MBOAT7: variants seen among roughly 807,000 people sequenced by gnomAD.
The protein encoded by MBOAT7 is membrane bound acylglycerophosphatidylinositol O-acyltransferase MBOAT7.
In MBOAT7, 40 loss-of-function variants were observed where a neutral mutation model predicts 47.4. That is an observed-to-expected ratio of 0.84 (90% CI 0.66 to 1.10). The LOEUF is 1.10. MBOAT7 is among the 50% of genes least tolerant of loss of function. The pLI, the probability that MBOAT7 is intolerant of heterozygous loss-of-function variation, is 0.00. For synonymous variants in MBOAT7, 361 were observed against 292.0 expected, an observed-to-expected ratio of 1.24 and a Z score of -2.41; for missense variants, 680 against 655.6, an observed-to-expected ratio of 1.04 and a Z score of -0.41.
At chr19:54,184,458 G>A (rs953581897) in intron 4 of MBOAT7, among the ~76,000 whole-genome samples, 4 of 152,026 alleles carry the variant, frequency 2.6e-5, no homozygotes, top group African/African-American at 4.8e-5. Context: ...CCTTCTTCCA[G>A]CTTGTGGCTG....
chr19:54,179,010 A>G, intron 6 of MBOAT7, 69 bp from the exon 7 acceptor site: 1 of 1,568,336 alleles, frequency 6.4e-7, no homozygotes, highest in African/African-American at 1.3e-5. Context: ...GACGCCTGCT[A>G]GTGTCCCAGC....
chr19:54,180,690 G>T lies in MBOAT7; in HGVS notation c.854+83C>A. On this transcript the variant is annotated intron_variant, in intron 6 of 7. Coordinates refer to ENST00000245615, the MANE Select transcript of MBOAT7 (RefSeq NM_024298.5). This position sits in a 1 kb window ranked among gnomAD's most constrained non-coding sequence, Gnocchi z 5.2. ...TGGTGGCCCTGGCCCCTTGCTCCCC[G>T]CTCTCCTCCCGGCTAGGGGCAGAGC... 1 of 1,330,828 alleles carries T rather than the reference G, an allele frequency of 7.5e-7. No individual in the cohort carries two copies. The highest frequency in any genetic ancestry group is 9.9e-7 in the Non-Finnish European group (1 of 1,006,848). The allele number at this position is 1,330,828 out of a possible 1,614,324, so 82.4% of individuals were successfully genotyped here.
chr19:54,174,294 C>T lies in MBOAT7; in HGVS notation c.1169G>A (p.Gly390Glu). The change falls in exon 8 of 8, where the codon GGG becomes GAG. Residue 390 changes from glycine (G) to glutamate (E), a missense_variant. Gly to Glu is a moderately conservative substitution (Grantham distance 98, BLOSUM62 -2). Coordinates refer to ENST00000245615, the MANE Select transcript of MBOAT7 (RefSeq NM_024298.5). ...CACCCAGTCCCAGGCCTTCTGGCCC[C>T]CTGGGCTCAGCCGCCCCCGCAGGGC... ...ESALRGRLSP[G>E]GQKAWDWVHW... 1.2e-6 allele frequency: 2 copies of T among 1,613,222 alleles called. No homozygotes were observed. Among genetic ancestry groups the T allele is most frequent in the South Asian group, 1.1e-5 (1 of 90,982 alleles).
In MBOAT7 at chr19:54,180,577, G is replaced by C. The variant is rs192986050; in HGVS notation, c.854+196C>G. The C allele has an allele frequency of 1.7e-6, 1 of 582,076 alleles. No homozygotes were observed. Among genetic ancestry groups the C allele is most frequent in the South Asian group, 2.2e-5 (1 of 44,596 alleles). The allele number at this position is 582,076 out of a possible 1,614,324, so 36.1% of individuals were successfully genotyped here. A position where few individuals can be genotyped will look rare whatever the true frequency, so the allele number is the denominator to read the frequency against. On this transcript the variant is annotated intron_variant, in intron 6 of 7. Transcript: ENST00000245615. The surrounding 1 kb of genome is among the most constrained non-coding windows in gnomAD (Gnocchi z 5.2). ...GGGGTGACAAGCGCTAGCAACAAGG[G>C]GCATCTGTCAGTACCAGGGATCTTT...
chr19:54,179,757 T>A (rs1036230763), intron 6 of MBOAT7: 36 of 152,160 alleles, frequency 2.4e-4, no homozygotes, highest in African/African-American at 8.4e-4. Context: ...CAAATTCCCG[T>A]GGGGGTGTCA....
At chr19:54,188,154 G>A (rs192031736) in intron 3 of MBOAT7, 63 bp downstream of exon 3, 479 of 1,506,270 alleles carry the variant, frequency 3.2e-4, no homozygotes, top group Admixed American at 4.2e-4. Flanking sequence ...AAGACTCAAA[G>A]AGGAAACAGG....
Position 54,188,422 on chromosome 19 carries a change from G to T in MBOAT7, c.76+11C>A. On this transcript the variant is annotated intron_variant, in intron 2 of 7. Transcript: ENST00000245615. ...CCCTTTATTTTCCACTGGGGAGGGA[G>T]CCTGACTCACCGGCTTTCTTAAAGA... is the stretch of plus-strand genomic sequence containing the variant. 3.2e-6 allele frequency: 5 copies of T among 1,568,628 alleles called. No individual in the cohort carries two copies. Among genetic ancestry groups the T allele is most frequent in the Non-Finnish European group, 4.3e-6 (5 of 1,155,798 alleles).
chr19:54,184,884 A>G (rs1383146041), intron 4 of MBOAT7, among the ~76,000 whole-genome samples: 2 of 144,012 alleles, frequency 1.4e-5, no homozygotes, highest in Non-Finnish European at 3.0e-5. Flanking sequence ...AGCCTGGGCA[A>G]CAGGAGTGAA....
rs373603478 is a variant in MBOAT7 at position 54,180,865 on chromosome 19, G to A, written c.762C>T (p.Cys254=). The change falls in exon 6 of 8, where the codon TGC becomes TGT. Residue 254 remains cysteine (C), a synonymous_variant. Coordinates refer to ENST00000245615, the MANE Select transcript of MBOAT7 (RefSeq NM_024298.5). The surrounding 1 kb of genome is among the most constrained non-coding windows in gnomAD (Gnocchi z 5.2). ...RFYVAWIAAE[C]GCIAAGFGAY... ...CCCCAAAGCCGGCGGCAATGCAGCC[G>A]CACTCGGCGGCAATCCAGGCCACGT... The A allele has an allele frequency of 1.4e-4, 226 of 1,587,584 alleles. 2 individuals carry two copies. Among genetic ancestry groups the A allele is most frequent in the Non-Finnish European group, 4.7e-5 (55 of 1,169,350 alleles).
chr19:54,180,632 G>T lies in MBOAT7; in HGVS notation c.854+141C>A. On this transcript the variant is annotated intron_variant, in intron 6 of 7. Transcript: ENST00000245615. The surrounding 1 kb of genome is among the most constrained non-coding windows in gnomAD (Gnocchi z 5.2). Reference sequence around the variant, plus strand: ...TACCGACAGGGGCTGGCAGGCCATGGTTGCCGAGGGGGCGACACTCTGCTC... The same window carrying T: ...TACCGACAGGGGCTGGCAGGCCATGTTTGCCGAGGGGGCGACACTCTGCTC... 1.3e-6 allele frequency: 1 copy of T among 768,786 alleles called. No individual in the cohort carries two copies. The highest frequency in any genetic ancestry group is 2.0e-6 in the Non-Finnish European group (1 of 498,764). 47.6% of individuals were successfully genotyped at this position (768,786 alleles called of 1,614,324 possible).
At chr19:54,176,056 C>T (rs544563623) in intron 7 of MBOAT7, among the ~76,000 whole-genome samples, 192 of 152,192 alleles carry the variant, frequency 1.3e-3, no homozygotes, top group African/African-American at 4.4e-3. Flanking sequence ...GGGGTTTCAC[C>T]ACGTTGGCCA....
Position 54,175,200 on chromosome 19 carries a change from G to C in MBOAT7, c.1032-769C>G, listed in dbSNP as rs190997369. Reference sequence around the variant, plus strand: ...TCACCGTGTTAGCCAGGATGGTCTCGATCTCCTGACCTCGTGATCTGCCCG... The same window carrying C: ...TCACCGTGTTAGCCAGGATGGTCTCCATCTCCTGACCTCGTGATCTGCCCG... On this transcript the variant is annotated intron_variant, in intron 7 of 7. Transcript: ENST00000245615. 2.5e-3 allele frequency among the ~76,000 whole-genome samples: 376 copies of C among 152,150 alleles called. 1 individual carries two copies. The highest frequency in any genetic ancestry group is 6.8e-3 in the Middle Eastern group (2 of 294).
intron 7 of MBOAT7, among the ~76,000 whole-genome samples, chr19:54,177,387 C>T (rs1250783401): frequency 4.6e-5 from 7 of 151,734 alleles, no homozygotes; most frequent in Non-Finnish European, 8.8e-5. Context: ...GCTCCGTCTC[C>T]CGGGTTCACA....
intron 3 of MBOAT7, among the ~76,000 whole-genome samples, 199 bp downstream of exon 3, chr19:54,188,018 A>G (rs1346508049): frequency 3.1e-5 from 3 of 96,546 alleles, no homozygotes; most frequent in South Asian, 3.8e-4. Flanking sequence ...TCCATCTCAG[A>G]AAGAAAGAAA....
intron 5 of MBOAT7, 70 bp downstream of exon 5, chr19:54,183,451 G>T: frequency 6.4e-7 from 1 of 1,556,860 alleles, no homozygotes; most frequent in Non-Finnish European, 8.7e-7. Flanking sequence ...CGGGAACACA[G>T]AACAGGCACT....
chr19:54,188,104 G>C lies in MBOAT7; in HGVS notation c.206+113C>G, dbSNP rs896714663. 5 of 1,008,580 alleles carry C rather than the reference G, an allele frequency of 5.0e-6. No homozygotes were observed. The African/African-American group carries it at 8.3e-5, about 17-fold the overall frequency. 62.5% of individuals were successfully genotyped at this position (1,008,580 alleles called of 1,614,324 possible). ...CAAACATGAAACAGAGAAATGAGCT[G>C]ATCAACAAGAGACAGCTAGACATGA... is the stretch of plus-strand genomic sequence containing the variant. On this transcript the variant is annotated intron_variant, in intron 3 of 7. Coordinates refer to ENST00000245615, the MANE Select transcript of MBOAT7 (RefSeq NM_024298.5).
Position 54,188,354 on chromosome 19 carries a change from G to C in MBOAT7, c.77-8C>G. On this transcript the variant is annotated splice_region_variant and splice_polypyrimidine_tract_variant and intron_variant, in intron 2 of 7. Coordinates refer to ENST00000245615, the MANE Select transcript of MBOAT7 (RefSeq NM_024298.5). The stretch of plus-strand genomic sequence containing the variant: ...ATCTCTTCAGCCCAGGACCTGCAGG[G>C]GGAAGGGACAGCATAAGCCTGGAAC... 5.0e-6 allele frequency: 8 copies of C among 1,613,148 alleles called. 1 individual carries two copies. Among genetic ancestry groups the C allele is most frequent in the Non-Finnish European group, 6.8e-6 (8 of 1,179,518 alleles).
intron 7 of MBOAT7, among the ~76,000 whole-genome samples, chr19:54,175,247 G>C (rs1056250352): frequency 1.3e-5 from 2 of 152,304 alleles, no homozygotes; most frequent in East Asian, 3.9e-4. Context: ...CAAAGTGCTG[G>C]GATCACAGGT....
Position 54,178,782 on chromosome 19 carries a change from G to T in MBOAT7, c.1014C>A (p.Ala338=). The T allele has an allele frequency of 6.2e-7, 1 of 1,613,416 alleles. No homozygotes were observed. Among genetic ancestry groups the T allele is most frequent in the Non-Finnish European group, 8.5e-7 (1 of 1,180,010 alleles). The change falls in exon 7 of 8, where the codon GCC becomes GCA. Residue 338 remains alanine, a synonymous_variant. Transcript: ENST00000245615. ...TCACTCACCGCAGGACATAGGAACG[G>T]GCAGGTGCGCTCTTGTAGATATACT... ...LAQYIYKSAP[A]RSYVLRSAWT...
Sources: allele counts gnomAD v4.1 joint callset (sites outside exome capture counted in the v4.1 genomes callset), GRCh38; gene constraint gnomAD v4.1.1; non-coding constraint Gnocchi (gnomAD v3.1); transcripts MANE v1.5; gene names NCBI Gene and HGNC (gene_info 2026-07-23, HGNC 2026-07-21).